The following FLVCR1 variants were observed in gnomAD, a reference collection of about 807,000 sequenced individuals.
FLVCR1 encodes FLVCR choline and heme transporter 1.
FLVCR1 carries 34 observed loss-of-function variants against 53.6 expected under a neutral mutation model. The observed-to-expected ratio is 0.63, with a 90% CI of 0.48 to 0.84. The LOEUF (loss-of-function observed/expected upper bound fraction) is 0.84. Ranked by LOEUF, FLVCR1 falls within the 40% of genes least tolerant of loss-of-function variation. The pLI is 0.00. For missense variants in FLVCR1, 677 were observed against 696.7 expected (o/e 0.97, Z 0.32); for synonymous variants, 300 against 286.3 (o/e 1.05, Z -0.48).
Position 212,894,975 on chromosome 1 carries a change from C to T in FLVCR1, c.1526-11C>T. The T allele has an allele frequency of 6.3e-7, 1 of 1,587,522 alleles. No individual in the cohort carries two copies. Among genetic ancestry groups the T allele is most frequent in the Non-Finnish European group, 8.7e-7 (1 of 1,155,950 alleles). On this transcript the variant is annotated splice_polypyrimidine_tract_variant and intron_variant, in intron 8 of 9. Coordinates refer to ENST00000366971, the MANE Select transcript of FLVCR1 (RefSeq NM_014053.4). ...AACAGTTTATAGTAACTTGATGCCCCTCTGTTTCAGCATTAATCAAGTCTG... is the reference window on the plus strand; with the variant it reads ...AACAGTTTATAGTAACTTGATGCCCTTCTGTTTCAGCATTAATCAAGTCTG...
At chr1:212,885,477 A>T in intron 5 of FLVCR1, 81 bp downstream of exon 5, 1 of 1,039,890 alleles carries the variant, frequency 9.6e-7, no homozygotes, top group South Asian at 1.3e-5. Flanking sequence ...TATTTCAAGA[A>T]ATTTAAAACA....
In FLVCR1 at chr1:212,893,064, T is replaced by TGG. The variant is rs1558122629; in HGVS notation, c.1526-1922_1526-1921insGG. 9.2e-4 allele frequency among the ~76,000 whole-genome samples: 113 copies of TGG among 123,428 alleles called. No individual in the cohort carries two copies. In the Middle Eastern group the frequency reaches 0.011, roughly 12 times the overall value. The allele number at this position is 123,428 out of a possible 152,430, so 81.0% of individuals were successfully genotyped here. On this transcript the variant is annotated intron_variant, in intron 8 of 9. Coordinates refer to ENST00000366971, the MANE Select transcript of FLVCR1 (RefSeq NM_014053.4). ...GAAATGAAGGGTTGCTTCTTTTTTT[T>TGG]TGGGGGGGGGTGCCGGAATGTTGCT...
chr1:212,893,317 A>G (rs956424190), intron 8 of FLVCR1, among the ~76,000 whole-genome samples: 1 of 152,114 alleles, frequency 6.6e-6, no homozygotes. Context: ...GGCCTCCCAA[A>G]GTGCTGGGAT....
chr1:212,863,248 T>C (rs550007039), intron 1 of FLVCR1, among the ~76,000 whole-genome samples: 2 of 152,290 alleles, frequency 1.3e-5, no homozygotes, highest in African/African-American at 2.4e-5. Flanking sequence ...AGGAGAGATA[T>C]TGGTGAGCAA....
chr1:212,878,418 C>A (rs1664824351), intron 3 of FLVCR1, among the ~76,000 whole-genome samples: 1 of 151,206 alleles, frequency 6.6e-6, no homozygotes, highest in African/African-American at 2.4e-5. Context: ...AGGAGAATGG[C>A]GTGAACCTGA....
chr1:212,886,115 C>T (rs1452598132), intron 5 of FLVCR1, among the ~76,000 whole-genome samples: 1 of 143,914 alleles, frequency 6.9e-6, no homozygotes, highest in Non-Finnish European at 1.5e-5. Context: ...CATCTTGGCT[C>T]ACTGCAACTT....
intron 8 of FLVCR1, among the ~76,000 whole-genome samples, chr1:212,894,346 A>G (rs1233457200): frequency 1.3e-5 from 2 of 150,968 alleles, no homozygotes; most frequent in Non-Finnish European, 2.9e-5. Context: ...GTAGAGATGG[A>G]GTTTCACCGT....
chr1:212,887,446 A>G (rs377755059), intron 5 of FLVCR1, among the ~76,000 whole-genome samples: 47 of 152,350 alleles, frequency 3.1e-4, no homozygotes, highest in African/African-American at 1.1e-3. Flanking sequence ...TGGAGCAAAT[A>G]AGGCATTCAC....
At chr1:212,879,197 A>G (rs566463516) in intron 3 of FLVCR1, among the ~76,000 whole-genome samples, 1 of 152,286 alleles carries the variant, frequency 6.6e-6, no homozygotes, top group South Asian at 2.1e-4. Flanking sequence ...GAAATTAAAG[A>G]GTTTATTTGT....
At chr1:212,875,603 G>A (rs1664728796) in intron 3 of FLVCR1, among the ~76,000 whole-genome samples, 1 of 152,138 alleles carries the variant, frequency 6.6e-6, no homozygotes, top group African/African-American at 2.4e-5. Flanking sequence ...AACACTTTGG[G>A]AGGCCAAGGT....
At chr1:212,888,675 T>TTTGTTG (rs41300975) in intron 7 of FLVCR1, 81 bp downstream of exon 7, 73 of 877,964 alleles carry the variant, frequency 8.3e-5, no homozygotes, top group Middle Eastern at 2.3e-4. Context: ...CATGGTTTTA[T>TTTGTTG]TTGTTGTTGT....
At chr1:212,885,141 C>T in intron 4 of FLVCR1, 152 bp from the exon 5 acceptor site, 1 of 651,266 alleles carries the variant, frequency 1.5e-6, no homozygotes, top group Non-Finnish European at 2.8e-6. Context: ...ACCTGCCCTC[C>T]CCTCCCACAC....
intron 1 of FLVCR1, among the ~76,000 whole-genome samples, chr1:212,862,889 G>T (rs41296710): frequency 6.6e-6 from 1 of 152,168 alleles, no homozygotes; most frequent in Non-Finnish European, 1.5e-5. Flanking sequence ...TACCTGGTGT[G>T]GAGTGGTATC....
chr1:212,876,223 C>T (rs191603460), intron 3 of FLVCR1, among the ~76,000 whole-genome samples: 4 of 152,198 alleles, frequency 2.6e-5, no homozygotes, highest in East Asian at 3.9e-4. Flanking sequence ...TTCCACCCCT[C>T]GTGCACCATG....
At position 212,872,535 on chromosome 1, in the gene FLVCR1, A is replaced by G; in HGVS notation, c.884-143A>G. The G allele has an allele frequency of 5.0e-6, 3 of 599,850 alleles. No individual in the cohort carries two copies. In the South Asian group the frequency reaches 7.2e-5, roughly 14 times the overall value. The allele number at this position is 599,850 out of a possible 1,614,324, so 37.2% of individuals were successfully genotyped here. Reference sequence around the variant, plus strand: ...ATCAGTGAAAATGAAAACCCTTACCATAAAAGACTTATATACCTCTTTAAA... The same window carrying G: ...ATCAGTGAAAATGAAAACCCTTACCGTAAAAGACTTATATACCTCTTTAAA... On this transcript the variant is annotated intron_variant, in intron 2 of 9. Coordinates refer to ENST00000366971, the MANE Select transcript of FLVCR1 (RefSeq NM_014053.4).
At chr1:212,888,857 T>C (rs1337548922) in intron 7 of FLVCR1, among the ~76,000 whole-genome samples, 1 of 152,042 alleles carries the variant, frequency 6.6e-6, no homozygotes, top group Non-Finnish European at 1.5e-5. Flanking sequence ...GCTAAATTTT[T>C]TTTGTTATTT....
At position 212,895,368 on chromosome 1, in the gene FLVCR1, C is replaced by T. The variant is rs2102577430; in HGVS notation, c.*78C>T. The stretch of plus-strand genomic sequence containing the variant: ...TTGGAGAGAGATGTGAGCACCAAGG[C>T]TGGGTTTGTATGTGGTGGGGGAATA... On this transcript the variant is annotated 3_prime_UTR_variant, in exon 10 of 10. Coordinates refer to ENST00000366971, the MANE Select transcript of FLVCR1 (RefSeq NM_014053.4). The T allele has an allele frequency of 9.0e-7, 1 of 1,110,256 alleles. No homozygotes were observed. Among genetic ancestry groups the T allele is most frequent in the East Asian group, 2.4e-5 (1 of 42,050 alleles). 68.8% of individuals were successfully genotyped at this position (1,110,256 alleles called of 1,614,324 possible).
At position 212,866,247 on chromosome 1, in the gene FLVCR1, A is replaced by C. The variant is rs1664423990; in HGVS notation, c.883+2378A>C. Among the ~76,000 whole-genome samples, 6 of 151,936 alleles carry C rather than the reference A, an allele frequency of 3.9e-5. No homozygotes were observed. The South Asian group carries it at 1.2e-3, about 32-fold the overall frequency. On this transcript the variant is annotated intron_variant, in intron 2 of 9. Coordinates refer to ENST00000366971, the MANE Select transcript of FLVCR1 (RefSeq NM_014053.4). Reference sequence around the variant, plus strand: ...TGATCTGCCCGCCTTGGCCTCCCAAAGTGCTGGAATTACAGGCATGAGCCA... The same window carrying C: ...TGATCTGCCCGCCTTGGCCTCCCAACGTGCTGGAATTACAGGCATGAGCCA...
intron 9 of FLVCR1, 58 bp downstream of exon 9, chr1:212,895,111 C>A (rs1487442059): frequency 1.4e-6 from 2 of 1,381,236 alleles, no homozygotes; most frequent in Non-Finnish European, 2.1e-6. Context: ...AAATGTGAAA[C>A]CATATTTTTT....
Sources: allele counts gnomAD v4.1 joint callset (sites outside exome capture counted in the v4.1 genomes callset), GRCh38; gene constraint gnomAD v4.1.1; transcripts MANE v1.5; gene names NCBI Gene and HGNC (gene_info 2026-07-23, HGNC 2026-07-21).